Variants in ARHGAP10 observed in about 807,000 individuals in gnomAD.
ARHGAP10 encodes the protein Rho GTPase activating protein 10, also known as rho GTPase-activating protein 10.
In ARHGAP10, 87 loss-of-function variants were observed where a neutral mutation model predicts 108.6. The observed-to-expected ratio is 0.80, with a 90% CI of 0.67 to 0.96. The LOEUF is 0.96. ARHGAP10 is among the 40% of genes least tolerant of loss of function. The pLI, the probability that ARHGAP10 is intolerant of heterozygous loss-of-function variation, is 0.00. For missense variants in ARHGAP10, 939 were observed against 954.5 expected (o/e 0.98, Z 0.21); for synonymous variants, 347 against 341.1 (o/e 1.02, Z -0.19).
intron 20 of ARHGAP10, among the ~76,000 whole-genome samples, chr4:148,061,466 T>TA (rs147655346): frequency 5.2e-4 from 78 of 151,052 alleles, no homozygotes; most frequent in Non-Finnish European, 8.1e-4. Flanking sequence ...CCTTTTCTGC[T>TA]AAAAAAAAAT....
intron 7 of ARHGAP10, among the ~76,000 whole-genome samples, chr4:147,870,605 T>C (rs1374002817): frequency 6.6e-6 from 1 of 151,604 alleles, no homozygotes; most frequent in Non-Finnish European, 1.5e-5. Flanking sequence ...TTTTCTATAA[T>C]CTAGAGTAAT....
chr4:147,943,664 G>T (rs193164877), intron 14 of ARHGAP10, among the ~76,000 whole-genome samples: 1 of 152,176 alleles, frequency 6.6e-6, no homozygotes, highest in African/African-American at 2.4e-5. Flanking sequence ...AACCCATAAA[G>T]TGTCCTTCCT....
chr4:147,865,009 T>C, intron 6 of ARHGAP10, 53 bp downstream of exon 6: 1 of 1,443,356 alleles, frequency 6.9e-7, no homozygotes, highest in East Asian at 2.3e-5. Flanking sequence ...AAGATAAGTA[T>C]TTATTTTCCT....
At chr4:147,739,987 C>T (rs912751694) in intron 1 of ARHGAP10, among the ~76,000 whole-genome samples, 2 of 150,624 alleles carry the variant, frequency 1.3e-5, no homozygotes, top group African/African-American at 2.4e-5. Flanking sequence ...CCAGCTGCCT[C>T]GGCCTCCAAA....
rs59613700 is a variant in ARHGAP10 at position 147,951,682 on chromosome 4, G to A, written c.1392-3634G>A. On this transcript the variant is annotated intron_variant, in intron 15 of 22. Transcript: ENST00000336498. ...TGCCTAGGCTGGTCTTAAACTCGTC[G>A]TCTCAAGTGATCCTCCCACCTTGGC... is the stretch of plus-strand genomic sequence containing the variant. Among the ~76,000 whole-genome samples the A allele has an allele frequency of 2.0e-3, 302 of 151,174 alleles. 2 individuals carry two copies. The highest frequency in any genetic ancestry group is 7.1e-3 in the African/African-American group (290 of 41,108).
chr4:147,738,011 T>C (rs1728488724), intron 1 of ARHGAP10, among the ~76,000 whole-genome samples: 1 of 151,490 alleles, frequency 6.6e-6, no homozygotes, highest in Non-Finnish European at 1.5e-5. Context: ...TGTCGCTGTG[T>C]TGTTGTTGTT....
chr4:147,920,250 C>T (rs1039881463), intron 13 of ARHGAP10, among the ~76,000 whole-genome samples: 10 of 142,242 alleles, frequency 7.0e-5, no homozygotes, highest in African/African-American at 2.9e-4. Context: ...AACCCTGGCT[C>T]TACCAAAAAT....
intron 13 of ARHGAP10, 130 bp downstream of exon 13, chr4:147,913,269 C>T: frequency 2.6e-6 from 2 of 756,450 alleles, no homozygotes; most frequent in Non-Finnish European, 4.4e-6. Flanking sequence ...TTCTGAGTAT[C>T]AGAAGGATCA....
intron 21 of ARHGAP10, 80 bp downstream of exon 21, chr4:148,063,380 T>C: frequency 6.4e-7 from 1 of 1,557,490 alleles, no homozygotes; most frequent in East Asian, 2.3e-5. Flanking sequence ...GTTCTTGTGT[T>C]CTCTGCTGGC....
At chr4:148,001,208 A>G (rs1740705136) in intron 18 of ARHGAP10, among the ~76,000 whole-genome samples, 1 of 152,186 alleles carries the variant, frequency 6.6e-6, no homozygotes, top group African/African-American at 2.4e-5. Flanking sequence ...CAGGTTTGTC[A>G]AAGATCATAC....
chr4:147,851,220 C>T (rs531734223), intron 4 of ARHGAP10, among the ~76,000 whole-genome samples: 2 of 151,880 alleles, frequency 1.3e-5, no homozygotes, highest in Admixed American at 1.3e-4. Context: ...TACCAGACCT[C>T]TACTCCAAAT....
chr4:147,925,363 A>C (rs960239928), intron 13 of ARHGAP10, among the ~76,000 whole-genome samples: 1 of 152,226 alleles, frequency 6.6e-6, no homozygotes, highest in Admixed American at 6.5e-5. Context: ...CCATCTCTGC[A>C]GCAGAGGAAT....
At chr4:148,024,677 T>A (rs190504285) in intron 19 of ARHGAP10, among the ~76,000 whole-genome samples, 121 of 152,366 alleles carry the variant, frequency 7.9e-4, no homozygotes, top group Non-Finnish European at 1.5e-3. Context: ...AAGCTATAAT[T>A]TCAGAACTTC....
chr4:147,905,664 C>T lies in ARHGAP10; in HGVS notation c.1035-974C>T, dbSNP rs369200368. ...TGTAGTATAGTTTGAAGTCAGGTAG[C>T]GTGATGCCTCCAGCTTTGTTCTTTT... On this transcript the variant is annotated intron_variant, in intron 10 of 22. Transcript: ENST00000336498. Among the ~76,000 whole-genome samples, 334 of 144,576 alleles carry T rather than the reference C, an allele frequency of 2.3e-3. 1 individual carries two copies. The highest frequency in any genetic ancestry group is 8.5e-3 in the South Asian group (35 of 4,132). 94.8% of individuals were successfully genotyped at this position (144,576 alleles called of 152,430 possible). A position where few individuals can be genotyped will look rare whatever the true frequency, so the allele number is the denominator to read the frequency against.
intron 19 of ARHGAP10, among the ~76,000 whole-genome samples, chr4:148,042,151 A>G (rs1449207086): frequency 6.6e-6 from 1 of 151,972 alleles, no homozygotes; most frequent in African/African-American, 2.4e-5. Flanking sequence ...TTGTTTTTTT[A>G]TTCCCTATTT....
At chr4:147,801,373 G>C (rs538242371) in intron 1 of ARHGAP10, among the ~76,000 whole-genome samples, 49 of 152,248 alleles carry the variant, frequency 3.2e-4, no homozygotes, top group African/African-American at 1.2e-3. Flanking sequence ...TAAGAAAAGA[G>C]AAGAGAACCA....
intron 1 of ARHGAP10, among the ~76,000 whole-genome samples, chr4:147,752,258 T>C (rs1579000576): frequency 6.6e-6 from 1 of 152,180 alleles, no homozygotes; most frequent in Non-Finnish European, 1.5e-5. Flanking sequence ...TGGGGTGTTA[T>C]CTTGTGTAAA....
At chr4:147,775,985 G>A (rs1268797068) in intron 1 of ARHGAP10, among the ~76,000 whole-genome samples, 1 of 152,160 alleles carries the variant, frequency 6.6e-6, no homozygotes, top group African/African-American at 2.4e-5. Flanking sequence ...ATGGCACCGA[G>A]CACAAAGCCC....
At chr4:148,016,793 C>A (rs1207023871) in intron 18 of ARHGAP10, among the ~76,000 whole-genome samples, 1 of 152,080 alleles carries the variant, frequency 6.6e-6, no homozygotes, top group African/African-American at 2.4e-5. Context: ...TTCTGACTGG[C>A]TTCCACTTGG....
Sources: allele counts gnomAD v4.1 joint callset (sites outside exome capture counted in the v4.1 genomes callset), GRCh38; gene constraint gnomAD v4.1.1; transcripts MANE v1.5; gene names NCBI Gene and HGNC (gene_info 2026-07-23, HGNC 2026-07-21).